Variants in TSPAN1 observed in about 807,000 individuals in gnomAD.
TSPAN1 encodes the protein tetraspanin-1.
TSPAN1 carries 23 observed loss-of-function variants against 26.9 expected under a neutral mutation model. The observed-to-expected ratio is 0.85, with a 90% CI of 0.62 to 1.21. The LOEUF (loss-of-function observed/expected upper bound fraction) is 1.21. Among genes scored for constraint, TSPAN1 ranks in the 50% most tolerant of loss-of-function variants. TSPAN1 has a pLI of 0.00. For missense variants in TSPAN1, 283 were observed against 298.4 expected (o/e 0.95, Z 0.38); for synonymous variants, 115 against 114.8 (o/e 1.00, Z -0.01).
downstream of TSPAN1, chr1:46,190,627 G>A (rs1460950585): frequency 1.3e-6 from 2 of 1,533,638 alleles, no homozygotes; most frequent in Non-Finnish European, 1.8e-6. Flanking sequence ...CAGGGCTGGA[G>A]TAAACACACA....
At chr1:46,186,824 G>A (rs1360511214), downstream of TSPAN1, among the ~76,000 whole-genome samples, 8 of 152,000 alleles carry the variant, frequency 5.3e-5, no homozygotes, top group South Asian at 2.1e-4. Flanking sequence ...CACCTCGCCC[G>A]GGTAATTTTT....
rs1657189076 is a variant in TSPAN1, at chr1:46,176,992, A to G, written c.-142+1583A>G. On this transcript the variant is annotated intron_variant, in intron 1 of 8. Transcript: ENST00000372003. The stretch of plus-strand genomic sequence containing the variant: ...CCCTCTGGTCACAATATTTTTGTCA[A>G]CTGATCTATACATATAACCTGATTT... Among the ~76,000 whole-genome samples, 3 of 152,330 alleles carry G rather than the reference A, an allele frequency of 2.0e-5. No individual in the cohort carries two copies. The South Asian group carries it at 6.2e-4, about 32-fold the overall frequency.
chr1:46,185,866 G>A lies in TSPAN1; in HGVS notation c.*333G>A, dbSNP rs528452773. 13 of 374,756 alleles carry A rather than the reference G, an allele frequency of 3.5e-5. No individual in the cohort carries two copies. The South Asian group carries it at 5.0e-4, about 14-fold the overall frequency. The allele number at this position is 374,756 out of a possible 1,614,324, so 23.2% of individuals were successfully genotyped here. ...GTGCTCTACTGGGGGATGAGAGAAAGGCATTTTATAGCCTGGGCATAAGTG... is the reference window on the plus strand; with the variant it reads ...GTGCTCTACTGGGGGATGAGAGAAAAGCATTTTATAGCCTGGGCATAAGTG... On this transcript the variant is annotated 3_prime_UTR_variant, in exon 9 of 9. Transcript: ENST00000372003.
At chr1:46,190,097 CTTTTTTTTTTT>C (rs946195454), downstream of TSPAN1, 1 of 807,240 alleles carries the variant, frequency 1.2e-6, no homozygotes, top group Non-Finnish European at 1.8e-6. Context: ...CCTTGAAGTT[CTTTTTTTTTTT>C]TTTTTTTTGA....
intron 1 of TSPAN1, among the ~76,000 whole-genome samples, chr1:46,176,017 C>T (rs944647743): frequency 6.6e-6 from 1 of 152,164 alleles, no homozygotes; most frequent in Non-Finnish European, 1.5e-5. Context: ...GGACTAAAGG[C>T]GTGTGCCACC....
the TSPAN1 span, chr1:46,191,782 C>A: frequency 2.8e-6 from 1 of 360,248 alleles, no homozygotes; most frequent in Non-Finnish European, 5.4e-6. Flanking sequence ...CTACAGGCGC[C>A]CATCACCAGG....
chr1:46,189,206 G>C (rs755221193), downstream of TSPAN1: 2 of 1,563,758 alleles, frequency 1.3e-6, no homozygotes, highest in Non-Finnish European at 1.7e-6. Flanking sequence ...CTACAGGATG[G>C]AGGGAAGGGC....
intron 1 of TSPAN1, chr1:46,175,883 T>TC: frequency 1.0e-5 from 4 of 392,948 alleles, no homozygotes; most frequent in Non-Finnish European, 1.8e-5. Context: ...TTTTTTTTTT[T>TC]TTTTCTTGAG....
chr1:46,176,697 C>T (rs1331723090), intron 1 of TSPAN1, among the ~76,000 whole-genome samples: 3 of 152,232 alleles, frequency 2.0e-5, no homozygotes, highest in Non-Finnish European at 4.4e-5. Context: ...GGAAAAGAGG[C>T]CCTAGAGGCG....
intron 3 of TSPAN1, chr1:46,183,903 C>G (rs1571638738): frequency 2.0e-6 from 1 of 498,112 alleles, no homozygotes; most frequent in Non-Finnish European, 3.7e-6. Flanking sequence ...TGGCAGGACC[C>G]TGGCAGCAGT....
the TSPAN1 span, chr1:46,195,105 A>T: frequency 1.3e-6 from 1 of 771,204 alleles, no homozygotes; most frequent in East Asian, 2.6e-5. Flanking sequence ...TCTCTTTCAC[A>T]GATAAAATAA....
At chr1:46,193,547 C>T in the TSPAN1 span, 1 of 1,614,178 alleles carries the variant, frequency 6.2e-7, no homozygotes, top group Admixed American at 1.7e-5. Context: ...CCGAGGCACC[C>T]CCCAAGTCCT....
chr1:46,176,099 T>A (rs979155498), intron 1 of TSPAN1: 16 of 986,688 alleles, frequency 1.6e-5, no homozygotes, highest in Admixed American at 7.0e-5. Flanking sequence ...ATGGTCTCGA[T>A]CTCCTGACCT....
chr1:46,182,724 C>T (rs889718716), intron 3 of TSPAN1, among the ~76,000 whole-genome samples: 3 of 152,110 alleles, frequency 2.0e-5, no homozygotes, highest in Non-Finnish European at 2.9e-5. Flanking sequence ...AGTTTAGAAG[C>T]GTGGGTAGAC....
the TSPAN1 span, chr1:46,191,171 T>C: frequency 3.0e-6 from 1 of 338,434 alleles, no homozygotes; most frequent in South Asian, 2.4e-5. Context: ...ACTTTGACTC[T>C]GGTACTGAGA....
intron 1 of TSPAN1, among the ~76,000 whole-genome samples, chr1:46,179,425 G>C (rs60877201): frequency 0.014 from 2,135 of 152,108 alleles, 52 homozygotes; most frequent in African/African-American, 0.049. Flanking sequence ...CTTCCTTCTA[G>C]AGCAGGAAGA....
chr1:46,189,179 C>T (rs989497933), downstream of TSPAN1: 3 of 1,534,204 alleles, frequency 2.0e-6, no homozygotes, highest in Non-Finnish European at 2.6e-6. Flanking sequence ...CCAGCCCCTA[C>T]CAGCATCTAC....
At chr1:46,188,562 C>T, downstream of TSPAN1, 2 of 1,340,558 alleles carry the variant, frequency 1.5e-6, no homozygotes, top group South Asian at 1.6e-5. Context: ...CCAAATGGCC[C>T]CAAATGGAAG....
intron 2 of TSPAN1, 86 bp from the exon 3 acceptor site, chr1:46,181,014 A>C (rs1247464029): frequency 8.6e-7 from 1 of 1,156,692 alleles, no homozygotes; most frequent in Non-Finnish European, 1.3e-6. Context: ...GGGGTCTGGC[A>C]TATCTGGCTG....
Sources: gnomAD v4.1 joint callset for allele counts (sites outside exome capture counted in the v4.1 genomes callset) on GRCh38, gnomAD v4.1.1 for gene constraint, MANE v1.5 for transcripts, NCBI Gene and HGNC (gene_info 2026-07-23, HGNC 2026-07-21) for gene names.